ENOSF1: variants seen among roughly 807,000 people sequenced by gnomAD.
The protein encoded by ENOSF1 is enolase superfamily member 1, also known as mitochondrial enolase superfamily member 1.
A neutral mutation model predicts 68.2 loss-of-function variants in ENOSF1; 73 were observed. That is an observed-to-expected ratio of 1.07 (90% CI 0.89 to 1.30). ENOSF1 has a LOEUF of 1.30. Ranked by LOEUF, ENOSF1 falls within the 50% of genes most tolerant of loss-of-function variation. The pLI is 0.00. For synonymous variants in ENOSF1, 223 were observed against 210.4 expected, an observed-to-expected ratio of 1.06 and a Z score of -0.52; for missense variants, 589 against 554.5, an observed-to-expected ratio of 1.06 and a Z score of -0.62.
At chr18:709,236 G>A (rs537221873) in intron 1 of ENOSF1, among the ~76,000 whole-genome samples, 1 of 152,282 alleles carries the variant, frequency 6.6e-6, no homozygotes, top group East Asian at 1.9e-4. Flanking sequence ...AGAATGCGGA[G>A]AGGGTCTTCA....
chr18:699,826 T>C (rs2078131610), intron 2 of ENOSF1, among the ~76,000 whole-genome samples: 1 of 152,218 alleles, frequency 6.6e-6, no homozygotes, highest in African/African-American at 2.4e-5. Flanking sequence ...ACGTCTGTAA[T>C]CCTAGCACTT....
At chr18:693,554 T>C in intron 5 of ENOSF1, 1 of 985,400 alleles carries the variant, frequency 1.0e-6, no homozygotes, top group Non-Finnish European at 1.2e-6. Flanking sequence ...TTTAATTTTG[T>C]GAGGTTCCTA....
chr18:671,583 G>C lies in ENOSF1; in HGVS notation c.*2722C>G. ...TCCAAATGTGGGGCTTCAGTTTAGG[G>C]AGAAGTGGTGGGCAGGTGGGCAGGA... On this transcript the variant is annotated 3_prime_UTR_variant, in exon 16 of 16. Transcript: ENST00000647584. 1.4e-6 allele frequency: 1 copy of C among 714,158 alleles called. No homozygotes were observed. Among genetic ancestry groups the C allele is most frequent in the Non-Finnish European group, 2.5e-6 (1 of 407,616 alleles). 44.2% of individuals were successfully genotyped at this position (714,158 alleles called of 1,614,324 possible).
intron 11 of ENOSF1, 74 bp from the exon 12 acceptor site, chr18:678,811 ATAG>A: frequency 6.6e-7 from 1 of 1,514,534 alleles, no homozygotes; most frequent in East Asian, 2.3e-5. Context: ...AAAAACATTT[ATAG>A]CTGAAGGAGG....
At chr18:685,818 A>G (rs76254077) in intron 10 of ENOSF1, 103 bp downstream of exon 10, 33,079 of 955,382 alleles carry the variant, frequency 0.035, 1,454 homozygotes, top group East Asian at 0.21. Context: ...ACTTCCTCTG[A>G]CAATTAACTT....
rs1471850403 is a variant in ENOSF1 at position 674,024 on chromosome 18, G to A, written c.*281C>T. The A allele has an allele frequency of 7.5e-6, 2 of 268,236 alleles. No individual in the cohort carries two copies. The highest frequency in any genetic ancestry group is 5.2e-5 in the Admixed American group (1 of 19,176). 16.6% of individuals were successfully genotyped at this position (268,236 alleles called of 1,614,324 possible). A position where few individuals can be genotyped will look rare whatever the true frequency, so the allele number is the denominator to read the frequency against. ...GCTTATTTTCAAATTACAGTTTAAT[G>A]TCTAGGTGCCAGCCCTTGATATAGC... On this transcript the variant is annotated 3_prime_UTR_variant, in exon 16 of 16. Transcript: ENST00000647584.
At chr18:679,328 G>A (rs1323496916) in intron 11 of ENOSF1, among the ~76,000 whole-genome samples, 1 of 150,990 alleles carries the variant, frequency 6.6e-6, no homozygotes, top group East Asian at 1.9e-4. Flanking sequence ...TCGTGCCTCA[G>A]CCTCCTGAGT....
chr18:701,673 C>T (rs1160012433), intron 2 of ENOSF1, among the ~76,000 whole-genome samples: 9 of 151,244 alleles, frequency 6.0e-5, no homozygotes, highest in Non-Finnish European at 1.3e-4. Flanking sequence ...AGGAGAATGG[C>T]GTGAACCCAG....
chr18:689,589 T>C (rs1435791641), intron 8 of ENOSF1, among the ~76,000 whole-genome samples: 1 of 152,090 alleles, frequency 6.6e-6, no homozygotes, highest in Non-Finnish European at 1.5e-5. Context: ...GCCAAAATGA[T>C]TTAGAGAGGT....
chr18:663,143 G>T, the ENOSF1 span, among the ~76,000 whole-genome samples: 1 of 95,526 alleles, frequency 1.0e-5, no homozygotes, highest in East Asian at 4.0e-4. Flanking sequence ...CAGTATAAAA[G>T]TGTTCCTATT....
downstream of ENOSF1, among the ~76,000 whole-genome samples, chr18:667,559 T>TGATGGTGATGGTGATGGA (rs2074879275): frequency 3.0e-5 from 2 of 66,344 alleles, no homozygotes; most frequent in Non-Finnish European, 5.4e-5. Context: ...ATGGAGATGG[T>TGATGGTGATGGTGATGGA]GATGGTGATG....
chr18:666,705 G>C (rs542936997), downstream of ENOSF1, among the ~76,000 whole-genome samples: 161 of 152,356 alleles, frequency 1.1e-3, no homozygotes, highest in Admixed American at 3.7e-3. Context: ...TTTATGTGCG[G>C]TCATGAGATC....
intron 10 of ENOSF1, 49 bp from the exon 11 acceptor site, chr18:683,429 C>G: frequency 1.9e-6 from 3 of 1,603,976 alleles, no homozygotes; most frequent in Non-Finnish European, 2.6e-6. Context: ...GCCAACCTCA[C>G]AGCAGGGCTG....
chr18:684,275 A>G lies in ENOSF1; in HGVS notation c.742-895T>C, dbSNP rs560640750. 3.2e-3 allele frequency among the ~76,000 whole-genome samples: 481 copies of G among 152,114 alleles called. 1 individual carries two copies. Among genetic ancestry groups the G allele is most frequent in the Non-Finnish European group, 5.1e-3 (344 of 67,964 alleles). Reference sequence around the variant, plus strand: ...CTCCCAAAGTGCTGGGATTACAGCCATGAGCCACTGCATCTGGCCCAGCCT... The same window carrying G: ...CTCCCAAAGTGCTGGGATTACAGCCGTGAGCCACTGCATCTGGCCCAGCCT... On this transcript the variant is annotated intron_variant, in intron 10 of 15. Transcript: ENST00000647584.
At chr18:706,372 C>T (rs2078938017) in intron 2 of ENOSF1, 98 bp downstream of exon 2, 1 of 838,670 alleles carries the variant, frequency 1.2e-6, no homozygotes, top group South Asian at 1.5e-5. Flanking sequence ...AAGATCAGAA[C>T]TCAATCTAAA....
intron 1 of ENOSF1, chr18:706,806 T>A (rs1174567443): frequency 9.0e-6 from 1 of 110,788 alleles, no homozygotes; most frequent in Admixed American, 1.1e-4. Context: ...TGTATGTATA[T>A]ATATATATAT....
At chr18:663,875 T>C in the ENOSF1 span, among the ~76,000 whole-genome samples, 8 of 111,142 alleles carry the variant, frequency 7.2e-5, no homozygotes, top group African/African-American at 3.9e-4. Context: ...CATTGATCTA[T>C]ATGTCTGTTT....
chr18:695,794 A>C (rs1164093353), intron 3 of ENOSF1, among the ~76,000 whole-genome samples: 1 of 152,190 alleles, frequency 6.6e-6, no homozygotes, highest in African/African-American at 2.4e-5. Context: ...ATGGGTTATA[A>C]GCCATTACTA....
In ENOSF1 at chr18:688,523, T is replaced by C. The variant is rs771504265; in HGVS notation, c.653+51A>G. 7.4e-6 allele frequency: 12 copies of C among 1,612,524 alleles called. No homozygotes were observed. In the Admixed American group the frequency reaches 8.3e-5, roughly 11 times the overall value. On this transcript the variant is annotated intron_variant, in intron 9 of 15. Coordinates refer to ENST00000647584, the MANE Select transcript of ENOSF1 (RefSeq NM_017512.7). Reference sequence around the variant, plus strand: ...TCCCTGCCAGGAGAGACTTACTGCCTGAGTCTCTCCTGCCGCCAACTGGGA... The same window carrying C: ...TCCCTGCCAGGAGAGACTTACTGCCCGAGTCTCTCCTGCCGCCAACTGGGA...
Sources: allele counts gnomAD v4.1 joint callset (sites outside exome capture counted in the v4.1 genomes callset), GRCh38; gene constraint gnomAD v4.1.1; transcripts MANE v1.5; gene names NCBI Gene and HGNC (gene_info 2026-07-23, HGNC 2026-07-21).